Variants in URI1 observed in about 807,000 individuals in gnomAD.
URI1 encodes unconventional prefoldin RPB5 interactor 1.
URI1 carries 39 observed loss-of-function variants against 60.2 expected under a neutral mutation model. That is an observed-to-expected ratio of 0.65 (90% CI 0.50 to 0.85). URI1 has a LOEUF of 0.85. Ranked by LOEUF, URI1 falls within the 40% of genes least tolerant of loss-of-function variation. The pLI is 0.00. For missense variants in URI1, 691 were observed against 665.9 expected, an observed-to-expected ratio of 1.04 and a Z score of -0.42; for synonymous variants, 251 against 236.8, an observed-to-expected ratio of 1.06 and a Z score of -0.55.
At chr19:29,934,121 A>G (rs1303075016) in intron 1 of URI1, among the ~76,000 whole-genome samples, 2 of 151,692 alleles carry the variant, frequency 1.3e-5, no homozygotes, top group Non-Finnish European at 2.9e-5. Context: ...TTATTAGAAG[A>G]GACGGGGTTT....
intron 2 of URI1, among the ~76,000 whole-genome samples, chr19:29,980,802 A>G (rs1353734738): frequency 6.6e-6 from 1 of 150,832 alleles, no homozygotes; most frequent in Non-Finnish European, 1.5e-5. Flanking sequence ...CGTGCCTATA[A>G]TCTCAGCTAC....
intron 1 of URI1, among the ~76,000 whole-genome samples, chr19:29,945,610 C>G (rs1004198616): frequency 6.6e-6 from 1 of 152,136 alleles, no homozygotes; most frequent in Non-Finnish European, 1.5e-5. Flanking sequence ...CTATTTTGAT[C>G]TAGCAATAAA....
chr19:29,946,231 A>T (rs1171147456), intron 1 of URI1, among the ~76,000 whole-genome samples: 1 of 152,210 alleles, frequency 6.6e-6, no homozygotes, highest in Non-Finnish European at 1.5e-5. Flanking sequence ...ACTGTGACCT[A>T]TACCATAAAA....
In URI1 at chr19:30,011,097, C is replaced by T. The variant is rs748378354; in HGVS notation, c.1039C>T (p.Arg347Ter). ...ATTTCTTGCTCTGAAATTTTAGGTC[C>T]GAATAAATACTGGAAAGAATACCAC... is the stretch of plus-strand genomic sequence containing the variant. The part of the protein sequence containing the change: ...FSHTVEPKRV[R>*]INTGKNTTLK... Residue 347 changes from arginine to a stop codon, truncating the protein, a stop_gained, in exon 9 of 11, where the codon CGA (arginine) becomes TGA (stop). Coordinates refer to ENST00000392271, the MANE Select transcript of URI1 (RefSeq NM_003796.3). LOFTEE classifies it high-confidence loss of function. The T allele has an allele frequency of 3.1e-6, 5 of 1,594,698 alleles. No homozygotes were observed. Among genetic ancestry groups the T allele is most frequent in the East Asian group, 2.3e-5 (1 of 44,044 alleles).
At chr19:30,012,257 G>T in intron 9 of URI1, 28 bp from the exon 10 acceptor site, 1 of 1,587,912 alleles carries the variant, frequency 6.3e-7, no homozygotes, top group South Asian at 1.1e-5. Flanking sequence ...TACGTATAGT[G>T]AATGCATATG....
chr19:29,981,521 A>G (rs1027537202), intron 2 of URI1, among the ~76,000 whole-genome samples: 2 of 152,058 alleles, frequency 1.3e-5, no homozygotes, highest in African/African-American at 4.8e-5. Flanking sequence ...AGGTACTCTC[A>G]AAAGGCATAT....
intron 1 of URI1, among the ~76,000 whole-genome samples, chr19:29,947,246 A>C (rs1186405483): frequency 6.6e-6 from 1 of 152,246 alleles, no homozygotes; most frequent in African/African-American, 2.4e-5. Context: ...TCCATTTGTC[A>C]TGCATATGTG....
At chr19:30,001,171 C>T (rs2055873553) in intron 4 of URI1, among the ~76,000 whole-genome samples, 2 of 151,592 alleles carry the variant, frequency 1.3e-5, no homozygotes, top group Non-Finnish European at 2.9e-5. Flanking sequence ...CATTAATGTT[C>T]AAGAATTTCT....
At chr19:29,984,123 C>G (rs1198621966) in intron 2 of URI1, among the ~76,000 whole-genome samples, 1 of 152,146 alleles carries the variant, frequency 6.6e-6, no homozygotes. Context: ...CACTCAAAAG[C>G]TTTATTAAAT....
At chr19:29,948,957 G>C (rs571957608) in intron 1 of URI1, among the ~76,000 whole-genome samples, 1 of 150,710 alleles carries the variant, frequency 6.6e-6, no homozygotes, top group Non-Finnish European at 1.5e-5. Flanking sequence ...GACCGCGGCC[G>C]GGCGGAGGCG....
chr19:29,963,818 A>G (rs558620670), intron 1 of URI1, among the ~76,000 whole-genome samples: 19 of 152,318 alleles, frequency 1.2e-4, no homozygotes, highest in Non-Finnish European at 2.1e-4. Flanking sequence ...TTAGTAAGCC[A>G]TCTGCTGCTT....
In URI1 at chr19:30,015,865, AG is replaced by A; in HGVS notation, c.*798del. On this transcript the variant is annotated 3_prime_UTR_variant, in exon 11 of 11. Coordinates refer to ENST00000392271, the MANE Select transcript of URI1 (RefSeq NM_003796.3). ...CACTGGGATTATGTTTTGGGAAACA[AG>A]GAAAGGTCTAGATGCTTAAACATTT... 3.0e-6 allele frequency: 1 copy of A among 330,556 alleles called. No homozygotes were observed. Among genetic ancestry groups the A allele is most frequent in the Non-Finnish European group, 5.5e-6 (1 of 183,386 alleles). 20.5% of individuals were successfully genotyped at this position (330,556 alleles called of 1,614,324 possible). A position where few individuals can be genotyped will look rare whatever the true frequency, so the allele number is the denominator to read the frequency against.
At chr19:30,003,353 A>C (rs779234211) in intron 4 of URI1, among the ~76,000 whole-genome samples, 2 of 152,046 alleles carry the variant, frequency 1.3e-5, no homozygotes, top group African/African-American at 4.8e-5. Flanking sequence ...TAATAGAGAT[A>C]TATATCTGCA....
At chr19:29,988,471 C>T (rs1183691332) in intron 4 of URI1, among the ~76,000 whole-genome samples, 2 of 152,196 alleles carry the variant, frequency 1.3e-5, no homozygotes, top group African/African-American at 4.8e-5. Flanking sequence ...CAAAACCTCC[C>T]TCACACTGCC....
intron 2 of URI1, among the ~76,000 whole-genome samples, chr19:29,981,886 C>G (rs1488457968): frequency 6.6e-6 from 1 of 152,046 alleles, no homozygotes; most frequent in Non-Finnish European, 1.5e-5. Flanking sequence ...AAAAAAAAAT[C>G]TGTTCAAATT....
chr19:30,010,739 A>G (rs927061526), intron 8 of URI1, among the ~76,000 whole-genome samples: 2 of 152,186 alleles, frequency 1.3e-5, no homozygotes, highest in Admixed American at 6.5e-5. Context: ...ATTTTTGTTT[A>G]TACTCTTTCT....
chr19:29,960,044 T>C (rs1568417551), intron 1 of URI1, among the ~76,000 whole-genome samples: 1 of 152,172 alleles, frequency 6.6e-6, no homozygotes, highest in Non-Finnish European at 1.5e-5. Flanking sequence ...CATTTAAAAA[T>C]AGTTTCTAAT....
At chr19:29,955,456 T>A (rs1197452869) in intron 1 of URI1, among the ~76,000 whole-genome samples, 26 of 152,230 alleles carry the variant, frequency 1.7e-4, no homozygotes, top group Admixed American at 1.7e-3. Flanking sequence ...GTTGGATTAC[T>A]GAGTCAAAGG....
At chr19:29,986,628 A>C (rs1471000992) in intron 4 of URI1, among the ~76,000 whole-genome samples, 1 of 152,154 alleles carries the variant, frequency 6.6e-6, no homozygotes, top group Non-Finnish European at 1.5e-5. Context: ...TGTCACCTAC[A>C]TTGGCATGTT....
Sources: gnomAD v4.1 joint callset for allele counts (sites outside exome capture counted in the v4.1 genomes callset) on GRCh38, gnomAD v4.1.1 for gene constraint, MANE v1.5 for transcripts, NCBI Gene and HGNC (gene_info 2026-07-23, HGNC 2026-07-21) for gene names.